The following CCDC15 variants were observed in gnomAD, a reference collection of about 807,000 sequenced individuals.
CCDC15 encodes coiled-coil domain containing 15, also known as coiled-coil domain-containing protein 15.
Under a neutral mutation model 114.5 loss-of-function variants are expected in CCDC15, and 105 were observed. The ratio of observed to expected loss-of-function variants is 0.92; its 90% CI spans 0.78 to 1.08. CCDC15 has a LOEUF of 1.08. CCDC15 is among the 50% of genes least tolerant of loss of function. The pLI, the probability that CCDC15 is intolerant of heterozygous loss-of-function variation, is 0.00. For synonymous variants in CCDC15, 334 were observed against 377.8 expected, an observed-to-expected ratio of 0.88 and a Z score of 1.34; for missense variants, 1,105 against 1,093.6, an observed-to-expected ratio of 1.01 and a Z score of -0.15.
chr11:124,992,869 C>T (rs1948294825), intron 10 of CCDC15, among the ~76,000 whole-genome samples, 182 bp downstream of exon 10: 2 of 152,114 alleles, frequency 1.3e-5, no homozygotes, highest in African/African-American at 4.8e-5. Context: ...CCAGAATAAT[C>T]TGGAATTTGC....
chr11:125,037,264 A>G (rs1185760326), intron 13 of CCDC15, among the ~76,000 whole-genome samples: 1 of 152,224 alleles, frequency 6.6e-6, no homozygotes, highest in African/African-American at 2.4e-5. Context: ...CTGCTCAGAT[A>G]AGATCATTCT....
intron 15 of CCDC15, among the ~76,000 whole-genome samples, chr11:125,040,149 G>T (rs907401603): frequency 1.3e-5 from 2 of 151,688 alleles, no homozygotes; most frequent in African/African-American, 4.8e-5. Context: ...GGGTTCAAGC[G>T]CCTCAGCCTA....
At chr11:124,959,727 T>TA in intron 3 of CCDC15, 88 bp from the exon 4 acceptor site, 1 of 766,204 alleles carries the variant, frequency 1.3e-6, no homozygotes, top group Non-Finnish European at 1.8e-6. Flanking sequence ...CACCCCAATT[T>TA]AAAATCTTCT....
At chr11:124,973,944 A>G (rs1225278884) in intron 4 of CCDC15, among the ~76,000 whole-genome samples, 1 of 151,980 alleles carries the variant, frequency 6.6e-6, no homozygotes, top group Non-Finnish European at 1.5e-5. Flanking sequence ...CCTCCACGTG[A>G]TACAGTGCTT....
chr11:124,979,090 AT>A (rs1163008473), intron 6 of CCDC15, among the ~76,000 whole-genome samples: 2 of 152,124 alleles, frequency 1.3e-5, no homozygotes, highest in Admixed American at 1.3e-4. Context: ...AGTTTTGCTG[AT>A]GATCAGATTG....
Position 124,959,826 on chromosome 11 carries a change from A to G in CCDC15, c.339A>G (p.Glu113=), listed in dbSNP as rs1323544809. The change falls in exon 4 of 16, where the codon GAA becomes GAG. Residue 113 remains glutamate (E), a synonymous_variant. Coordinates refer to ENST00000344762, the MANE Select transcript of CCDC15 (RefSeq NM_025004.3). The part of the protein sequence containing the change: ...LQKSYERAQK[E]GSIAMQSSAT... ...CTTCTTTCGTGTAGGCACAAAAAGA[A>G]GGCTCCATAGCCATGCAGTCTTCAG... 6.9e-6 allele frequency: 11 copies of G among 1,595,224 alleles called. No homozygotes were observed. Among genetic ancestry groups the G allele is most frequent in the Non-Finnish European group, 9.4e-6 (11 of 1,170,708 alleles).
In CCDC15 at chr11:124,986,726, T is replaced by G. The variant is rs1948169670; in HGVS notation, c.754-16T>G. On this transcript the variant is annotated splice_polypyrimidine_tract_variant and intron_variant, in intron 6 of 15. Coordinates refer to ENST00000344762, the MANE Select transcript of CCDC15 (RefSeq NM_025004.3). ...GCGCGCGCGCGCGTGCGCGTTTTCA[T>G]TGTTTTTTTCTTTAGGAACTTGACT... is the stretch of plus-strand genomic sequence containing the variant. The G allele has an allele frequency of 1.3e-6, 2 of 1,500,986 alleles. No individual in the cohort carries two copies. Among genetic ancestry groups the G allele is most frequent in the Non-Finnish European group, 1.8e-6 (2 of 1,121,696 alleles). 93.0% of individuals were successfully genotyped at this position (1,500,986 alleles called of 1,614,324 possible). A position where few individuals can be genotyped will look rare whatever the true frequency, so the allele number is the denominator to read the frequency against.
At chr11:125,032,778 G>T (rs992595434) in intron 13 of CCDC15, among the ~76,000 whole-genome samples, 2 of 152,122 alleles carry the variant, frequency 1.3e-5, no homozygotes, top group Admixed American at 6.5e-5. Flanking sequence ...AATGACCACA[G>T]GATGAGTCTG....
At chr11:124,980,938 C>A (rs1477223670) in intron 6 of CCDC15, among the ~76,000 whole-genome samples, 4 of 152,164 alleles carry the variant, frequency 2.6e-5, no homozygotes, top group Non-Finnish European at 4.4e-5. Context: ...TTGGCTGTGT[C>A]CCACAGATTC....
At chr11:124,979,324 C>T (rs1948027135) in intron 6 of CCDC15, among the ~76,000 whole-genome samples, 1 of 152,002 alleles carries the variant, frequency 6.6e-6, no homozygotes, top group Non-Finnish European at 1.5e-5. Context: ...TGAAGAATGT[C>T]ATTGGTAGTT....
At chr11:124,984,019 CA>C (rs555837489) in intron 6 of CCDC15, among the ~76,000 whole-genome samples, 346 of 152,138 alleles carry the variant, frequency 2.3e-3, no homozygotes, top group African/African-American at 8.0e-3. Context: ...CCGTGCAGGG[CA>C]GGGGGTAGGG....
At chr11:125,035,132 G>A (rs888025462) in intron 13 of CCDC15, among the ~76,000 whole-genome samples, 20 of 152,070 alleles carry the variant, frequency 1.3e-4, no homozygotes, top group Admixed American at 6.6e-5. Flanking sequence ...GTCTATTCAC[G>A]TTCTTCTGCC....
intron 13 of CCDC15, among the ~76,000 whole-genome samples, chr11:125,014,808 TG>T (rs1003534187): frequency 2.6e-5 from 4 of 152,204 alleles, no homozygotes; most frequent in Non-Finnish European, 5.9e-5. Flanking sequence ...ACCTACTATA[TG>T]ACCCAACCAA....
At chr11:125,001,263 A>G (rs1297348191) in intron 11 of CCDC15, among the ~76,000 whole-genome samples, 1 of 152,264 alleles carries the variant, frequency 6.6e-6, no homozygotes, top group Admixed American at 6.5e-5. Context: ...GGCAACATGC[A>G]TATTGGATGA....
intron 4 of CCDC15, among the ~76,000 whole-genome samples, chr11:124,969,515 C>G (rs534840433): frequency 8.5e-5 from 13 of 152,148 alleles, no homozygotes; most frequent in Admixed American, 4.6e-4. Context: ...CTACTGTTTT[C>G]TAGCATGGTT....
At chr11:125,000,883 G>T (rs1404215387) in intron 11 of CCDC15, among the ~76,000 whole-genome samples, 1 of 152,030 alleles carries the variant, frequency 6.6e-6, no homozygotes, top group Non-Finnish European at 1.5e-5. Context: ...GCAAGCCTCT[G>T]GTCATACCAT....
chr11:124,982,869 A>G (rs1359177794), intron 6 of CCDC15, among the ~76,000 whole-genome samples: 2 of 152,208 alleles, frequency 1.3e-5, no homozygotes, highest in East Asian at 3.8e-4. Flanking sequence ...TTCATGGATG[A>G]TATGAAAATA....
At position 124,986,903 on chromosome 11, in the gene CCDC15, G is replaced by A; in HGVS notation, c.900+15G>A. ...GCAGAGTTCAGGTAAAGCAATAAGA[G>A]AAATTAAATTAATTGTGATTTGGAC... On this transcript the variant is annotated intron_variant, in intron 7 of 15. Transcript: ENST00000344762. The A allele has an allele frequency of 6.5e-7, 1 of 1,527,878 alleles. No homozygotes were observed. Among genetic ancestry groups the A allele is most frequent in the Non-Finnish European group, 8.8e-7 (1 of 1,138,648 alleles). The allele number at this position is 1,527,878 out of a possible 1,614,324, so 94.6% of individuals were successfully genotyped here. A position where few individuals can be genotyped will look rare whatever the true frequency, so the allele number is the denominator to read the frequency against.
At chr11:124,958,039 C>T (rs12287581) in intron 2 of CCDC15, among the ~76,000 whole-genome samples, 40,532 of 152,040 alleles carry the variant, frequency 0.27, 6,400 homozygotes, top group African/African-American at 0.44. Flanking sequence ...TGAACTCCAG[C>T]TTCCTCATCT....
Sources: gnomAD v4.1 joint callset for allele counts (sites outside exome capture counted in the v4.1 genomes callset) on GRCh38, gnomAD v4.1.1 for gene constraint, MANE v1.5 for transcripts, NCBI Gene and HGNC (gene_info 2026-07-23, HGNC 2026-07-21) for gene names.